Variants in PPP1R9A observed in about 807,000 individuals in gnomAD.
PPP1R9A encodes protein phosphatase 1 regulatory subunit 9A.
In PPP1R9A, 59 loss-of-function variants were observed where a neutral mutation model predicts 141.9. The ratio of observed to expected loss-of-function variants is 0.42; its 90% confidence interval spans 0.34 to 0.52. The LOEUF (loss-of-function observed/expected upper bound fraction) is 0.52, where lower values mean the gene tolerates loss of function less well. Ranked by LOEUF, PPP1R9A falls within the 20% of genes least tolerant of loss-of-function variation. The pLI is 0.10. For synonymous variants in PPP1R9A, 500 were observed against 569.7 expected (o/e 0.88, Z 1.74); for missense variants, 1,444 against 1,611.9 (o/e 0.90, Z 1.78).
chr7:95,114,991 C>CA (rs1821229340), intron 3 of PPP1R9A, among the ~76,000 whole-genome samples: 2 of 148,814 alleles, frequency 1.3e-5, no homozygotes, highest in African/African-American at 4.9e-5. Context: ...ACTTGAAAAG[C>CA]AAAAAATGGA....
chr7:94,983,527 C>G (rs765012651), intron 2 of PPP1R9A, among the ~76,000 whole-genome samples: 1 of 152,022 alleles, frequency 6.6e-6, no homozygotes, highest in Non-Finnish European at 1.5e-5. Flanking sequence ...TTGTAGTTCT[C>G]CTTGAAGAGG....
chr7:95,012,245 T>C (rs565963474), intron 2 of PPP1R9A, among the ~76,000 whole-genome samples: 1 of 152,152 alleles, frequency 6.6e-6, no homozygotes, highest in East Asian at 1.9e-4. Flanking sequence ...GGAAACTTAC[T>C]GAGGTCATGG....
At chr7:94,942,750 G>A (rs928702582) in intron 2 of PPP1R9A, among the ~76,000 whole-genome samples, 1 of 151,910 alleles carries the variant, frequency 6.6e-6, no homozygotes, top group Admixed American at 6.6e-5. Context: ...GTTGCAGTGA[G>A]CCAAGATCGC....
Position 95,264,846 on chromosome 7 carries a change from T to C in PPP1R9A, c.2666-3704T>C, listed in dbSNP as rs553641270. 1.3e-3 allele frequency among the ~76,000 whole-genome samples: 199 copies of C among 152,254 alleles called. 1 individual carries two copies. The highest frequency in any genetic ancestry group is 1.8e-3 in the Non-Finnish European group (122 of 68,028). On this transcript the variant is annotated intron_variant, in intron 12 of 19. Coordinates refer to ENST00000433360, the MANE Select transcript of PPP1R9A (RefSeq NM_001166160.2). Reference sequence around the variant, plus strand: ...AAAGGAAATTTTCCGCTGACCCTTATGGACAACAGAACAAGGCACACTGGA... The same window carrying C: ...AAAGGAAATTTTCCGCTGACCCTTACGGACAACAGAACAAGGCACACTGGA...
intron 2 of PPP1R9A, among the ~76,000 whole-genome samples, chr7:95,086,654 C>T (rs889077011): frequency 2.6e-5 from 4 of 151,960 alleles, no homozygotes; most frequent in African/African-American, 4.8e-5. Context: ...AGTTTTGCTG[C>T]ACTAGGCCAA....
chr7:94,929,108 T>G (rs1159378263), intron 2 of PPP1R9A, among the ~76,000 whole-genome samples: 1 of 152,230 alleles, frequency 6.6e-6, no homozygotes, highest in Admixed American at 6.5e-5. Flanking sequence ...ATTTCTAACT[T>G]TAACTGCCAT....
intron 5 of PPP1R9A, among the ~76,000 whole-genome samples, chr7:95,178,452 A>T (rs1833217137): frequency 6.6e-6 from 1 of 152,110 alleles, no homozygotes; most frequent in African/African-American, 2.4e-5. Flanking sequence ...CAAACTGATC[A>T]TCTAAGGTCA....
intron 2 of PPP1R9A, among the ~76,000 whole-genome samples, chr7:94,977,428 G>T (rs545243885): frequency 2.0e-5 from 3 of 152,126 alleles, no homozygotes; most frequent in Non-Finnish European, 1.5e-5. Flanking sequence ...AGAAAATGGG[G>T]TGATCAGTTT....
chr7:95,131,515 G>A (rs181729233), intron 4 of PPP1R9A, among the ~76,000 whole-genome samples: 30 of 152,264 alleles, frequency 2.0e-4, no homozygotes, highest in African/African-American at 6.7e-4. Context: ...GTAGTATGCT[G>A]TTTTGGTTAC....
At chr7:95,048,936 C>A (rs1193723287) in intron 2 of PPP1R9A, among the ~76,000 whole-genome samples, 1 of 151,956 alleles carries the variant, frequency 6.6e-6, no homozygotes, top group Non-Finnish European at 1.5e-5. Context: ...TCAGTTATAT[C>A]TATAAATTTA....
chr7:95,209,559 A>G (rs530420075), intron 7 of PPP1R9A, among the ~76,000 whole-genome samples: 1 of 152,340 alleles, frequency 6.6e-6, no homozygotes, highest in South Asian at 2.1e-4. Flanking sequence ...ACCACAAGTC[A>G]GCCATGTGAG....
intron 2 of PPP1R9A, among the ~76,000 whole-genome samples, chr7:94,948,346 G>T (rs1796108939): frequency 6.6e-6 from 1 of 152,058 alleles, no homozygotes; most frequent in African/African-American, 2.4e-5. Context: ...CCATAATGGG[G>T]TGGTTTTGTT....
chr7:94,925,067 C>T (rs1793302660), intron 2 of PPP1R9A, among the ~76,000 whole-genome samples: 2 of 152,102 alleles, frequency 1.3e-5, no homozygotes, highest in South Asian at 4.1e-4. Context: ...TGTATATATA[C>T]AGAGAAAAAT....
chr7:95,049,976 T>C (rs898072036), intron 2 of PPP1R9A, among the ~76,000 whole-genome samples: 4 of 152,216 alleles, frequency 2.6e-5, no homozygotes, highest in African/African-American at 9.6e-5. Context: ...TGTGTGCAGA[T>C]TTTTGTGTGC....
At chr7:95,255,282 C>T (rs1340227556) in intron 12 of PPP1R9A, among the ~76,000 whole-genome samples, 1 of 152,060 alleles carries the variant, frequency 6.6e-6, no homozygotes. Flanking sequence ...GTCACAGAAG[C>T]AATACATTCT....
chr7:95,221,098 G>C (rs527352887), intron 7 of PPP1R9A, among the ~76,000 whole-genome samples: 5 of 152,048 alleles, frequency 3.3e-5, no homozygotes, highest in Non-Finnish European at 7.4e-5. Context: ...TAGCAAATGT[G>C]GTTACAAGAT....
chr7:94,942,648 CA>C (rs1795456808), intron 2 of PPP1R9A, among the ~76,000 whole-genome samples: 1 of 151,654 alleles, frequency 6.6e-6, no homozygotes, highest in Non-Finnish European at 1.5e-5. Flanking sequence ...ACTAAAAATA[CA>C]AAAAATTAGC....
chr7:95,128,749 G>A (rs373920573), intron 4 of PPP1R9A, among the ~76,000 whole-genome samples: 11 of 152,042 alleles, frequency 7.2e-5, no homozygotes, highest in African/African-American at 2.7e-4. Context: ...GCTAATTTTT[G>A]TATTTTTAGT....
intron 6 of PPP1R9A, among the ~76,000 whole-genome samples, chr7:95,200,998 A>T (rs1789448710): frequency 6.6e-6 from 1 of 152,148 alleles, no homozygotes; most frequent in Non-Finnish European, 1.5e-5. Context: ...ATGTAAGAAC[A>T]CTCCTGCAGA....
Sources: allele counts gnomAD v4.1 joint callset (sites outside exome capture counted in the v4.1 genomes callset), GRCh38; gene constraint gnomAD v4.1.1; transcripts MANE v1.5; gene names NCBI Gene and HGNC (gene_info 2026-07-23, HGNC 2026-07-21).